Variants in CCNG2 observed in about 807,000 individuals in gnomAD.
CCNG2 encodes cyclin-G2.
CCNG2 carries 20 observed loss-of-function variants against 36.5 expected under a neutral mutation model. The observed-to-expected ratio is 0.55, with a 90% CI of 0.39 to 0.80. CCNG2 has a LOEUF of 0.80. Ranked by LOEUF, CCNG2 falls within the 30% of genes least tolerant of loss-of-function variation. The pLI is 0.00. For synonymous variants in CCNG2, 155 were observed against 140.1 expected, an observed-to-expected ratio of 1.11 and a Z score of -0.75; for missense variants, 358 against 390.8, an observed-to-expected ratio of 0.92 and a Z score of 0.71.
Position 77,168,140 on chromosome 4 carries a change from G to A in CCNG2, c.*2216G>A, listed in dbSNP as rs1316201261. On this transcript the variant is annotated 3_prime_UTR_variant, in exon 8 of 8. Transcript: ENST00000316355. The stretch of plus-strand genomic sequence containing the variant: ...TTTCTGATTACTCCCAAACCTGCTG[G>A]TTCTTTATGTCTTTCTCAGCGAATA... 3 of 152,184 alleles carry A rather than the reference G, an allele frequency of 2.0e-5. No homozygotes were observed. Among genetic ancestry groups the A allele is most frequent in the African/African-American group, 7.2e-5 (3 of 41,458 alleles). The allele number at this position is 152,184 out of a possible 1,614,324, so 9.4% of individuals were successfully genotyped here.
Position 77,168,720 on chromosome 4 carries a change from CATT to C in CCNG2, c.*2801_*2803del, listed in dbSNP as rs1405312493. ...AGAAGCGCTATCCTTTCTCTTTGGGCATTATTAGGAGGCTCACAGACAAGTCCA... is the reference window on the plus strand; with the variant it reads ...AGAAGCGCTATCCTTTCTCTTTGGGCATTAGGAGGCTCACAGACAAGTCCA... On this transcript the variant is annotated 3_prime_UTR_variant, in exon 8 of 8. Transcript: ENST00000316355. 6.6e-6 allele frequency: 1 copy of C among 152,196 alleles called. No homozygotes were observed. The highest frequency in any genetic ancestry group is 1.5e-5 in the Non-Finnish European group (1 of 68,068). 9.4% of individuals were successfully genotyped at this position (152,196 alleles called of 1,614,324 possible). A position where few individuals can be genotyped will look rare whatever the true frequency, so the allele number is the denominator to read the frequency against.
rs939749787 is a variant in CCNG2, at chr4:77,164,540, C to T, written c.911+61C>T. The T allele has an allele frequency of 1.7e-5, 21 of 1,246,366 alleles. No homozygotes were observed. The African/African-American group carries it at 2.5e-4, about 15-fold the overall frequency. The allele number at this position is 1,246,366 out of a possible 1,614,324, so 77.2% of individuals were successfully genotyped here. On this transcript the variant is annotated intron_variant, in intron 7 of 7. Coordinates refer to ENST00000316355, the MANE Select transcript of CCNG2 (RefSeq NM_004354.3). ...ACTAAATATTACTGAGTTTATTATA[C>T]TCAGAACTGGAATAGTGTAAGACAT...
chr4:77,169,395 C>G lies in CCNG2; in HGVS notation c.*3471C>G, dbSNP rs554783901. On this transcript the variant is annotated 3_prime_UTR_variant, in exon 8 of 8. Coordinates refer to ENST00000316355, the MANE Select transcript of CCNG2 (RefSeq NM_004354.3). ...ACTACCAGAAATGGTCAATAACTTACTTTGTGTTTAGCAAATCAAATTGTG... is the reference window on the plus strand; with the variant it reads ...ACTACCAGAAATGGTCAATAACTTAGTTTGTGTTTAGCAAATCAAATTGTG... The G allele has an allele frequency of 6.6e-6, 1 of 152,300 alleles. No homozygotes were observed. Among genetic ancestry groups the G allele is most frequent in the Non-Finnish European group, 1.5e-5 (1 of 68,020 alleles). 9.4% of individuals were successfully genotyped at this position (152,300 alleles called of 1,614,324 possible).
chr4:77,161,474 G>C lies in CCNG2; in HGVS notation c.528-6G>C. On this transcript the variant is annotated splice_polypyrimidine_tract_variant and splice_region_variant and intron_variant, in intron 4 of 7. Transcript: ENST00000316355. Reference sequence around the variant, plus strand: ...TTAATAAATCTTTGTTCTTTGCATTGTATAGGAAAGAAATACTGAGCCTTG... The same window carrying C: ...TTAATAAATCTTTGTTCTTTGCATTCTATAGGAAAGAAATACTGAGCCTTG... 3.2e-6 allele frequency: 5 copies of C among 1,569,776 alleles called. No individual in the cohort carries two copies. The highest frequency in any genetic ancestry group is 4.3e-6 in the Non-Finnish European group (5 of 1,152,374).
Position 77,165,865 on chromosome 4 carries a change from C to A in CCNG2, c.976C>A (p.Gln326Lys). ...TCTCAGCAGCTCTCCTCCCAGTGAT[C>A]AAGAGTGCACCTTCTTTTTCAACTT... is the stretch of plus-strand genomic sequence containing the variant. ...ESLSSSPPSD[Q>K]ECTFFFNFKV... is the part of the protein sequence containing the mutation. Residue 326 changes from glutamine to lysine, a missense_variant, in exon 8 of 8, where the codon CAA becomes AAA. Transcript: ENST00000316355. 1.9e-6 allele frequency: 3 copies of A among 1,611,584 alleles called. No individual in the cohort carries two copies. Among genetic ancestry groups the A allele is most frequent in the African/African-American group, 1.3e-5 (1 of 74,920 alleles).
chr4:77,157,975 G>A (rs1731312290), intron 1 of CCNG2, among the ~76,000 whole-genome samples: 1 of 151,994 alleles, frequency 6.6e-6, no homozygotes, highest in Admixed American at 6.5e-5. Flanking sequence ...TCTCGGGTAA[G>A]TCCGGAATCG....
chr4:77,162,911 T>TG (rs1241834610), intron 6 of CCNG2, among the ~76,000 whole-genome samples: 2 of 151,616 alleles, frequency 1.3e-5, no homozygotes, highest in African/African-American at 4.8e-5. Context: ...ACTCAAACAG[T>TG]GGTTTTGGAA....
chr4:77,157,887 C>T (rs893287046), intron 1 of CCNG2, among the ~76,000 whole-genome samples: 4 of 151,510 alleles, frequency 2.6e-5, no homozygotes, highest in African/African-American at 9.7e-5. Flanking sequence ...GGCGGGCGGG[C>T]TGGACTGGAC....
intron 3 of CCNG2, among the ~76,000 whole-genome samples, chr4:77,159,794 C>T (rs558327625): frequency 2.0e-5 from 3 of 152,270 alleles, no homozygotes; most frequent in Non-Finnish European, 4.4e-5. Context: ...TTATAGTCCT[C>T]AATATAAGAT....
intron 6 of CCNG2, among the ~76,000 whole-genome samples, chr4:77,162,471 C>T (rs373074823): frequency 2.5e-4 from 37 of 149,404 alleles, no homozygotes; most frequent in African/African-American, 8.9e-4. Context: ...CAACCTCAGC[C>T]TCTCGGGTTC....
At chr4:77,159,621 A>T in intron 3 of CCNG2, 117 bp downstream of exon 3, 1 of 924,966 alleles carries the variant, frequency 1.1e-6, no homozygotes, top group Non-Finnish European at 1.6e-6. Context: ...ATAAAAATTT[A>T]TAATCAGAAT....
chr4:77,161,501 T>TA lies in CCNG2; in HGVS notation c.552dup (p.Leu185ThrfsTer38), dbSNP rs1223112333. The TA allele has an allele frequency of 1.2e-6, 2 of 1,605,856 alleles. No individual in the cohort carries two copies. The highest frequency in any genetic ancestry group is 8.5e-7 in the Non-Finnish European group (1 of 1,177,070). On this transcript the variant is annotated frameshift_variant, in exon 5 of 8. Transcript: ENST00000316355. LOFTEE classifies it high-confidence loss of function. ...ATAGGAAAGAAATACTGAGCCTTGA[T>TA]AAACTAGAAGCTCAGCTGAAAGCTT... is the stretch of plus-strand genomic sequence containing the variant.
chr4:77,161,732 TAAA>T lies in CCNG2; in HGVS notation c.694_696del (p.Lys232del). The T allele has an allele frequency of 1.3e-6, 2 of 1,595,020 alleles. No individual in the cohort carries two copies. The highest frequency in any genetic ancestry group is 1.7e-6 in the Non-Finnish European group (2 of 1,172,022). ...AATTACTGGAAATTCTCTTGCTAGT[TAAA>T]AAACATTCCAAGGTAATTACAGTCA... On this transcript the variant is annotated inframe_deletion, in exon 6 of 8. Transcript: ENST00000316355.
chr4:77,158,297 G>C (rs946939747), intron 1 of CCNG2: 2 of 521,176 alleles, frequency 3.8e-6, no homozygotes, highest in Non-Finnish European at 6.8e-6. Context: ...AGGGCTGGCC[G>C]GTCTTACCCA....
chr4:77,163,262 A>T (rs1731535730), intron 6 of CCNG2, among the ~76,000 whole-genome samples: 1 of 152,158 alleles, frequency 6.6e-6, no homozygotes, highest in African/African-American at 2.4e-5. Context: ...CAAGTGAAGA[A>T]AGGTACATCC....
intron 1 of CCNG2, 25 bp downstream of exon 1, chr4:77,157,531 C>T (rs1047557727): frequency 2.0e-5 from 3 of 152,486 alleles, no homozygotes; most frequent in Non-Finnish European, 4.4e-5. Flanking sequence ...CCAGGGCCGC[C>T]GTGGGTTTCT....
intron 3 of CCNG2, among the ~76,000 whole-genome samples, chr4:77,159,739 T>A (rs1319942121): frequency 6.6e-6 from 1 of 152,246 alleles, no homozygotes; most frequent in Non-Finnish European, 1.5e-5. Flanking sequence ...CTCTTGAATA[T>A]GTGACAAAAG....
At chr4:77,158,195 GA>G in intron 1 of CCNG2, 1 of 307,724 alleles carries the variant, frequency 3.2e-6, no homozygotes, top group Non-Finnish European at 6.2e-6. Flanking sequence ...CCCCTGGGCA[GA>G]AGGCCCTCCC....
Position 77,169,366 on chromosome 4 carries a change from A to C in CCNG2, c.*3442A>C, listed in dbSNP as rs973429702. 6 of 150,730 alleles carry C rather than the reference A, an allele frequency of 4.0e-5. No homozygotes were observed. Among genetic ancestry groups the C allele is most frequent in the African/African-American group, 7.5e-5 (3 of 40,042 alleles). 9.3% of individuals were successfully genotyped at this position (150,730 alleles called of 1,614,324 possible). A position where few individuals can be genotyped will look rare whatever the true frequency, so the allele number is the denominator to read the frequency against. On this transcript the variant is annotated 3_prime_UTR_variant, in exon 8 of 8. Transcript: ENST00000316355. Reference sequence around the variant, plus strand: ...TTACTGGAATTCAGTTTTCCTAACTATTTACTACCAGAAATGGTCAATAAC... The same window carrying C: ...TTACTGGAATTCAGTTTTCCTAACTCTTTACTACCAGAAATGGTCAATAAC...
Sources: gnomAD v4.1 joint callset for allele counts (sites outside exome capture counted in the v4.1 genomes callset) on GRCh38, gnomAD v4.1.1 for gene constraint, MANE v1.5 for transcripts, NCBI Gene and HGNC (gene_info 2026-07-23, HGNC 2026-07-21) for gene names.